STARD9: variants seen among roughly 807,000 people sequenced by gnomAD.
The protein encoded by STARD9 is stAR-related lipid transfer protein 9.
Under a neutral mutation model 399.8 loss-of-function variants are expected in STARD9, and 346 were observed. That is an observed-to-expected ratio of 0.87 (90% CI 0.79 to 0.95). The LOEUF (loss-of-function observed/expected upper bound fraction) is 0.95, where lower values mean the gene tolerates loss of function less well. STARD9 is among the 40% of genes least tolerant of loss of function. The pLI is 0.00. For missense variants in STARD9, 5,832 were observed against 5,667.5 expected, an observed-to-expected ratio of 1.03 and a Z score of -0.93; for synonymous variants, 2,203 against 2,143.5, an observed-to-expected ratio of 1.03 and a Z score of -0.77.
At chr15:42,712,104 A>AATATATTATATATAATATATATAAT (rs2061246776) in intron 26 of STARD9, among the ~76,000 whole-genome samples, 1 of 280 alleles carries the variant, frequency 3.6e-3, no homozygotes, top group African/African-American at 4.6e-3. Context: ...TATAATATAT[A>AATATATTATATATAATATATATAAT]ATATATAATA....
intron 26 of STARD9, among the ~76,000 whole-genome samples, chr15:42,710,915 G>C (rs78261202): frequency 0.041 from 3,074 of 75,804 alleles, 63 homozygotes; most frequent in African/African-American, 0.38. Flanking sequence ...CTCTCTCTCT[G>C]TGTGTGTGTG....
At chr15:42,695,442 C>G in intron 25 of STARD9, 119 bp downstream of exon 25, 1 of 997,724 alleles carries the variant, frequency 1.0e-6, no homozygotes, top group Non-Finnish European at 1.4e-6. Flanking sequence ...GGCTGTGGGA[C>G]CCCTGTTGTC....
rs2060501073 is a variant in STARD9 at position 42,684,429 on chromosome 15, T to C, written c.2851T>C (p.Ser951Pro). 6.5e-7 allele frequency: 1 copy of C among 1,537,172 alleles called. No homozygotes were observed. The highest frequency in any genetic ancestry group is 2.4e-5 in the East Asian group (1 of 40,896). Residue 951 changes from serine (S) to proline (P), a missense_variant, in exon 23 of 33, where the codon TCT becomes CCT. This residue lies in a region of STARD9 where 5,828 missense variants were observed against 5,651.1 expected (regional missense o/e 1.03). Coordinates refer to ENST00000290607, the MANE Select transcript of STARD9 (RefSeq NM_020759.3). ...TCAGATGGTGAGCCAGGGCTTAGCATCTCTGAGGAAATCAGCTAACAAACT... is the reference window on the plus strand; with the variant it reads ...TCAGATGGTGAGCCAGGGCTTAGCACCTCTGAGGAAATCAGCTAACAAACT... ...PHQMVSQGLA[S>P]LRKSANKLKP... is the part of the protein sequence containing the mutation.
chr15:42,642,368 T>G (rs1340121875), intron 7 of STARD9, among the ~76,000 whole-genome samples: 1 of 152,252 alleles, frequency 6.6e-6, no homozygotes, highest in Non-Finnish European at 1.5e-5. Context: ...AGTTGAAATC[T>G]GAAATGCACA....
chr15:42,656,844 T>C (rs1302501083), intron 9 of STARD9, among the ~76,000 whole-genome samples: 1 of 151,952 alleles, frequency 6.6e-6, no homozygotes. Context: ...AGCATAAGAA[T>C]GAACTTTGGG....
chr15:42,644,050 A>G (rs553144275), intron 7 of STARD9, among the ~76,000 whole-genome samples: 9 of 152,342 alleles, frequency 5.9e-5, no homozygotes, highest in African/African-American at 2.2e-4. Context: ...TGCTTTGGAT[A>G]TATTTGGTTT....
intron 1 of STARD9, among the ~76,000 whole-genome samples, chr15:42,581,668 T>TCAGCAGCAGCAG (rs35915660): frequency 5.3e-5 from 8 of 151,742 alleles, no homozygotes; most frequent in Non-Finnish European, 1.2e-4. Context: ...GCCAGCAGCC[T>TCAGCAGCAGCAG]CAGCAGCAGC....
At position 42,687,124 on chromosome 15, in the gene STARD9, C is replaced by T; in HGVS notation, c.5546C>T (p.Ser1849Phe). ...ITEESHDSVYSSVTQNRHFLP... is the reference protein window; with the variant it reads ...ITEESHDSVYFSVTQNRHFLP... ...GAAGAAAGCCATGATTCAGTTTATT[C>T]TTCTGTTACTCAGAACAGACATTTT... The change falls in exon 23 of 33, where the codon TCT (serine) becomes TTT (phenylalanine). Residue 1849 changes from serine to phenylalanine, a missense_variant. Physicochemically the swap from Ser to Phe is radical, Grantham distance 155. Around this residue, in one of 2 missense-constraint regions of STARD9, gnomAD observed 5,828 missense variants for 5,651.1 expected, o/e 1.03. Coordinates refer to ENST00000290607, the MANE Select transcript of STARD9 (RefSeq NM_020759.3). The T allele has an allele frequency of 4.6e-6, 7 of 1,537,178 alleles. No individual in the cohort carries two copies. The highest frequency in any genetic ancestry group is 1.2e-5 in the South Asian group (1 of 84,048).
chr15:42,596,579 A>T (rs72711771), intron 3 of STARD9, among the ~76,000 whole-genome samples: 4,167 of 152,284 alleles, frequency 0.027, 88 homozygotes, highest in Middle Eastern at 0.048. Context: ...TTTTCTTCCC[A>T]CATACTTGCA....
At position 42,684,509 on chromosome 15, in the gene STARD9, G is replaced by A. The variant is rs965522507; in HGVS notation, c.2931G>A (p.Ala977=). 13 of 1,537,040 alleles carry A rather than the reference G, an allele frequency of 8.5e-6. No homozygotes were observed. Among genetic ancestry groups the A allele is most frequent in the East Asian group, 2.4e-5 (1 of 40,920 alleles). ...CCTCTACTACCCAGACCAGAGGGGC[G>A]AAGGGACTAGCAGACCCTAGCCACA... ...IFTSTTQTRG[A]KGLADPSHTQ... is the part of the protein sequence containing the mutation. The change falls in exon 23 of 33, where the codon GCG becomes GCA. Residue 977 remains alanine (A), a synonymous_variant. Coordinates refer to ENST00000290607, the MANE Select transcript of STARD9 (RefSeq NM_020759.3).
At chr15:42,593,997 C>T (rs2141711487) in intron 3 of STARD9, among the ~76,000 whole-genome samples, 1 of 152,192 alleles carries the variant, frequency 6.6e-6, no homozygotes, top group Admixed American at 6.5e-5. Flanking sequence ...TTTATTTGGT[C>T]TCCACAATAT....
rs560682104 is a variant in STARD9 at position 42,667,227 on chromosome 15, C to T, written c.1317+1379C>T. ...TGAAACGGAGTCTCACCCTGTCACC[C>T]AGGCTGGAGTGCAATGGTGCGATCT... On this transcript the variant is annotated intron_variant, in intron 15 of 32. Coordinates refer to ENST00000290607, the MANE Select transcript of STARD9 (RefSeq NM_020759.3). Among the ~76,000 whole-genome samples the T allele has an allele frequency of 2.0e-5, 3 of 152,252 alleles. No homozygotes were observed. In the South Asian group the frequency reaches 6.2e-4, roughly 32 times the overall value.
At position 42,575,693 on chromosome 15, in the gene STARD9, T is replaced by A; in HGVS notation, c.-23T>A. The A allele has an allele frequency of 1.3e-6, 2 of 1,536,398 alleles. No individual in the cohort carries two copies. The highest frequency in any genetic ancestry group is 1.7e-6 in the Non-Finnish European group (2 of 1,146,724). On this transcript the variant is annotated 5_prime_UTR_variant, in exon 1 of 33. Transcript: ENST00000290607. Reference sequence around the variant, plus strand: ...GGATGCTGCCGCTGAGCTGACCCGCTGGACTTGGGTTGTGGCAGACGGATG... The same window carrying A: ...GGATGCTGCCGCTGAGCTGACCCGCAGGACTTGGGTTGTGGCAGACGGATG...
intron 7 of STARD9, among the ~76,000 whole-genome samples, chr15:42,648,650 T>G (rs1204867282): frequency 6.6e-6 from 1 of 152,200 alleles, no homozygotes; most frequent in Non-Finnish European, 1.5e-5. Flanking sequence ...TATGGTCTAC[T>G]TATGGGTAGA....
chr15:42,705,885 T>A (rs1206658835), intron 26 of STARD9, among the ~76,000 whole-genome samples: 1 of 152,166 alleles, frequency 6.6e-6, no homozygotes, highest in Non-Finnish European at 1.5e-5. Flanking sequence ...GCTGAGTAGC[T>A]GGGATTACAG....
At chr15:42,642,421 A>G (rs2059557859) in intron 7 of STARD9, among the ~76,000 whole-genome samples, 1 of 152,230 alleles carries the variant, frequency 6.6e-6, no homozygotes, top group Non-Finnish European at 1.5e-5. Flanking sequence ...TGGTTATAGG[A>G]TCTAAACTGA....
chr15:42,659,398 A>G (rs1248696119), intron 9 of STARD9, among the ~76,000 whole-genome samples: 1 of 152,234 alleles, frequency 6.6e-6, no homozygotes, highest in Non-Finnish European at 1.5e-5. Flanking sequence ...ACCTTTTAAC[A>G]TGGCTAAAAT....
intron 13 of STARD9, 90 bp from the exon 14 acceptor site, chr15:42,665,163 T>C (rs2060070017): frequency 2.0e-6 from 2 of 1,016,874 alleles, no homozygotes; most frequent in South Asian, 1.4e-5. Flanking sequence ...AAAGGAGTAA[T>C]CTACCTCTTC....
At chr15:42,706,078 T>G (rs1240697185) in intron 26 of STARD9, among the ~76,000 whole-genome samples, 2 of 152,130 alleles carry the variant, frequency 1.3e-5, no homozygotes, top group Non-Finnish European at 2.9e-5. Context: ...ATATGAAATT[T>G]AGGATCACCT....
Sources: gnomAD v4.1 joint callset for allele counts (sites outside exome capture counted in the v4.1 genomes callset) on GRCh38, gnomAD v4.1.1 for gene constraint, gnomAD v4.1.1 regional missense constraint, MANE v1.5 for transcripts, NCBI Gene and HGNC (gene_info 2026-07-23, HGNC 2026-07-21) for gene names.